Variants in USH2A observed in about 807,000 individuals in gnomAD.
USH2A encodes Usher syndrome 2A (autosomal recessive, mild).
In USH2A, 443 loss-of-function variants were observed where a neutral mutation model predicts 538.9. That is an observed-to-expected ratio of 0.82 (90% CI 0.76 to 0.89). The LOEUF (loss-of-function observed/expected upper bound fraction) is 0.89. Ranked by LOEUF, USH2A falls within the 40% of genes least tolerant of loss-of-function variation. USH2A has a pLI of 0.00. For missense variants in USH2A, 6,633 were observed against 6,324.8 expected (o/e 1.05, Z -1.65); for synonymous variants, 2,413 against 2,273.5 (o/e 1.06, Z -1.75).
chr1:215,870,273 T>A lies in USH2A; in HGVS notation c.8682-3103A>T, dbSNP rs149365964. ...TTAAATTTTTAAGGAAACAAGATTT[T>A]TTTTTTATTTTTTATTTTTTTTTTA... On this transcript the variant is annotated intron_variant, in intron 43 of 71. Transcript: ENST00000307340. 5.6e-3 allele frequency among the ~76,000 whole-genome samples: 840 copies of A among 149,854 alleles called. 2 individuals carry two copies. The highest frequency in any genetic ancestry group is 7.5e-3 in the Non-Finnish European group (506 of 67,888).
chr1:215,974,234 C>A (rs2102461269), intron 35 of USH2A, among the ~76,000 whole-genome samples: 1 of 152,250 alleles, frequency 6.6e-6, no homozygotes, highest in African/African-American at 2.4e-5. Context: ...ACCTCAGATT[C>A]CTAAACAGAG....
chr1:216,151,561 A>G (rs1279232448), intron 21 of USH2A, among the ~76,000 whole-genome samples: 3 of 152,158 alleles, frequency 2.0e-5, no homozygotes, highest in Admixed American at 2.0e-4. Context: ...GACCTTCTGT[A>G]GCCTGTCTAA....
At chr1:215,694,131 T>G (rs1302019381) in intron 61 of USH2A, among the ~76,000 whole-genome samples, 2 of 152,206 alleles carry the variant, frequency 1.3e-5, no homozygotes, top group East Asian at 3.8e-4. Flanking sequence ...CTGATTTTGT[T>G]GTTGAGCCTA....
At chr1:216,163,390 T>G (rs2034102160) in intron 21 of USH2A, among the ~76,000 whole-genome samples, 1 of 152,090 alleles carries the variant, frequency 6.6e-6, no homozygotes, top group African/African-American at 2.4e-5. Flanking sequence ...TATATCTACA[T>G]GTATATGTGT....
chr1:216,103,493 T>C (rs1234569081), intron 21 of USH2A, among the ~76,000 whole-genome samples: 1 of 152,174 alleles, frequency 6.6e-6, no homozygotes, highest in Non-Finnish European at 1.5e-5. Flanking sequence ...ACAAAGCTAT[T>C]GTAAGAACAA....
chr1:215,659,608 A>T lies in USH2A; in HGVS notation c.14134-8807T>A, dbSNP rs150434510. On this transcript the variant is annotated intron_variant, in intron 64 of 71. Coordinates refer to ENST00000307340, the MANE Select transcript of USH2A (RefSeq NM_206933.4). ...CCTAGCCTTAAAGTCAACTTATTTA[A>T]AGTTCACAGCAACTTTCCTGGGGTA... Among the ~76,000 whole-genome samples the T allele has an allele frequency of 4.0e-3, 612 of 152,192 alleles. 2 individuals are homozygous for T. The highest frequency in any genetic ancestry group is 0.014 in the African/African-American group (568 of 41,522).
At chr1:215,772,229 G>A (rs17025395) in intron 55 of USH2A, among the ~76,000 whole-genome samples, 10,732 of 152,238 alleles carry the variant, frequency 0.07, 749 homozygotes, top group East Asian at 0.36. Flanking sequence ...AGGATGAGAA[G>A]AGGGAAATAA....
chr1:216,292,458 A>G, intron 9 of USH2A, 88 bp from the exon 10 acceptor site: 2 of 1,374,644 alleles, frequency 1.5e-6, no homozygotes, highest in East Asian at 2.5e-5. Flanking sequence ...CACCAGAAGT[A>G]AAGCACATAT....
chr1:215,799,018 C>A lies in USH2A; in HGVS notation c.9847G>T (p.Ala3283Ser), dbSNP rs770420346. Reference sequence around the variant, plus strand: ...CCATGGCCATCATGAAGCCTCCCAGCACAGCAAATCTGGTTTCCTGAGGTG... The same window carrying A: ...CCATGGCCATCATGAAGCCTCCCAGAACAGCAAATCTGGTTTCCTGAGGTG... ...YSTSGNQICC[A>S]GRLHDGHGQK... The change falls in exon 50 of 72, where the codon GCT (alanine) becomes TCT (serine). Residue 3283 changes from alanine (A) to serine (S), a missense_variant. Ala to Ser is a moderately conservative substitution (Grantham distance 99). Coordinates refer to ENST00000307340, the MANE Select transcript of USH2A (RefSeq NM_206933.4). 3.1e-6 allele frequency: 5 copies of A among 1,614,120 alleles called. No individual in the cohort carries two copies. In the South Asian group the frequency reaches 5.5e-5, roughly 18 times the overall value.
intron 37 of USH2A, among the ~76,000 whole-genome samples, chr1:215,962,121 A>G (rs1394341840): frequency 6.6e-6 from 1 of 152,030 alleles, no homozygotes; most frequent in Non-Finnish European, 1.5e-5. Context: ...AATAGCTACC[A>G]TTTTTAACAT....
intron 32 of USH2A, among the ~76,000 whole-genome samples, chr1:216,024,502 G>A (rs1409318929): frequency 6.6e-6 from 1 of 152,000 alleles, no homozygotes; most frequent in Non-Finnish European, 1.5e-5. Flanking sequence ...ATTAATGAAT[G>A]TTCATAAATA....
chr1:216,118,867 T>C (rs2102592390), intron 21 of USH2A, among the ~76,000 whole-genome samples: 1 of 152,294 alleles, frequency 6.6e-6, no homozygotes, highest in South Asian at 2.1e-4. Flanking sequence ...AGCAAGTTTC[T>C]CTCCATGTAC....
rs1412167321 is a variant in USH2A at position 216,232,113 on chromosome 1, C to T, written c.2833G>A (p.Ala945Thr). The T allele has an allele frequency of 2.5e-6, 4 of 1,613,532 alleles. No individual in the cohort carries two copies. Among genetic ancestry groups the T allele is most frequent in the Middle Eastern group, 1.6e-4 (1 of 6,078 alleles). Residue 945 changes from alanine (A) to threonine (T), a missense_variant, in exon 14 of 72, where the codon GCC becomes ACC. Coordinates refer to ENST00000307340, the MANE Select transcript of USH2A (RefSeq NM_206933.4). ...CATGAGCATGGCAGGCAGCCAGTGG[C>T]ATTGCCTGGAGAAATATAAAAACCT... ...QPGFYISPGN[A>T]TGCLPCSCHT...
At chr1:215,884,647 T>C (rs1665001433) in intron 41 of USH2A, among the ~76,000 whole-genome samples, 1 of 151,516 alleles carries the variant, frequency 6.6e-6, no homozygotes. Context: ...ATTTCCTCTG[T>C]TTTATACTTT....
intron 37 of USH2A, among the ~76,000 whole-genome samples, chr1:215,962,025 CA>C (rs539112349): frequency 6.6e-6 from 1 of 151,182 alleles, no homozygotes; most frequent in Admixed American, 6.6e-5. Flanking sequence ...GAAGCATTCA[CA>C]AAAAAAAGAA....
chr1:215,971,687 T>C (rs1315842471), intron 35 of USH2A, among the ~76,000 whole-genome samples: 4 of 152,194 alleles, frequency 2.6e-5, no homozygotes, highest in Non-Finnish European at 5.9e-5. Context: ...CACAACTAAT[T>C]ATATAAACAA....
At chr1:215,995,286 T>C (rs1485733269) in intron 34 of USH2A, among the ~76,000 whole-genome samples, 1 of 152,204 alleles carries the variant, frequency 6.6e-6, no homozygotes, top group East Asian at 1.9e-4. Context: ...AACCAGTAAC[T>C]TGACAAAGAA....
At chr1:215,663,596 G>A (rs1657511648) in intron 64 of USH2A, among the ~76,000 whole-genome samples, 1 of 152,120 alleles carries the variant, frequency 6.6e-6, no homozygotes, top group South Asian at 2.1e-4. Flanking sequence ...CTGCCTGTAG[G>A]AGGTGGGCCC....
At chr1:215,859,235 T>C (rs1425004264) in intron 44 of USH2A, among the ~76,000 whole-genome samples, 2 of 152,098 alleles carry the variant, frequency 1.3e-5, no homozygotes, top group Non-Finnish European at 2.9e-5. Flanking sequence ...CAAACAAGAA[T>C]TGAAAATATA....
Sources: allele counts gnomAD v4.1 joint callset (sites outside exome capture counted in the v4.1 genomes callset), GRCh38; gene constraint gnomAD v4.1.1; transcripts MANE v1.5; gene names NCBI Gene and HGNC (gene_info 2026-07-23, HGNC 2026-07-21).